The following ANO5 variants were observed in gnomAD, a reference collection of about 807,000 sequenced individuals.
The protein encoded by ANO5 is anoctamin-5.
A neutral mutation model predicts 121.0 loss-of-function variants in ANO5; 109 were observed. The ratio of observed to expected loss-of-function variants is 0.90; its 90% confidence interval spans 0.77 to 1.06. The LOEUF is 1.06. Among genes scored for constraint, ANO5 ranks in the 50% least tolerant of loss-of-function variants. The probability of loss-of-function intolerance (pLI) is 0.00; values close to 1 mark genes in which losing one functional copy is unlikely to be tolerated. For synonymous variants in ANO5, 406 were observed against 359.9 expected, an observed-to-expected ratio of 1.13 and a Z score of -1.45; for missense variants, 1,064 against 1,078.5, an observed-to-expected ratio of 0.99 and a Z score of 0.19.
intron 21 of ANO5, among the ~76,000 whole-genome samples, chr11:22,276,585 C>A (rs553490336): frequency 6.6e-6 from 1 of 151,802 alleles, no homozygotes; most frequent in African/African-American, 2.4e-5. Flanking sequence ...ATCTGAGATT[C>A]AGCAAAAATA....
chr11:22,231,664 G>A (rs1161595015), intron 7 of ANO5, among the ~76,000 whole-genome samples: 1 of 151,824 alleles, frequency 6.6e-6, no homozygotes, highest in Non-Finnish European at 1.5e-5. Context: ...TTGCAAGCTG[G>A]TATTTATACA....
At chr11:22,277,816 C>A (rs887999173) in intron 21 of ANO5, 2 of 151,400 alleles carry the variant, frequency 1.3e-5, no homozygotes, top group Non-Finnish European at 3.0e-5. Context: ...TGGGACTTCT[C>A]TTCATCTTGT....
At chr11:22,235,104 A>T (rs576619203) in intron 7 of ANO5, among the ~76,000 whole-genome samples, 1 of 152,110 alleles carries the variant, frequency 6.6e-6, no homozygotes, top group South Asian at 2.1e-4. Context: ...GTCCCTCTCC[A>T]TCTTTTGCAA....
At chr11:22,250,677 G>A in intron 10 of ANO5, 64 bp from the exon 11 acceptor site, 1 of 1,490,636 alleles carries the variant, frequency 6.7e-7, no homozygotes, top group Non-Finnish European at 9.4e-7. Flanking sequence ...GTTCTAATAA[G>A]AACAGCTTGG....
chr11:22,198,539 A>G (rs1851875357), intron 1 of ANO5, among the ~76,000 whole-genome samples: 1 of 152,192 alleles, frequency 6.6e-6, no homozygotes, highest in Admixed American at 6.5e-5. Flanking sequence ...CAGCTTGAAA[A>G]TATTTTTTCA....
chr11:22,258,905 A>G (rs1341142660), intron 14 of ANO5, among the ~76,000 whole-genome samples: 1 of 152,034 alleles, frequency 6.6e-6, no homozygotes, highest in African/African-American at 2.4e-5. Context: ...AGGCCAAGGT[A>G]GGCAGATCAC....
At chr11:22,233,454 A>AT (rs146901843) in intron 7 of ANO5, among the ~76,000 whole-genome samples, 8,288 of 152,016 alleles carry the variant, frequency 0.055, 767 homozygotes, top group African/African-American at 0.19. Flanking sequence ...GGTTCCAGAC[A>AT]TTTTTTGTAA....
rs965338280 is a variant in ANO5 at position 22,272,175 on chromosome 11, G to A, written c.2030-609G>A. ...TGTGGAGATAAGCCAGCTTACACAGGTGTGGTCCTCTGTTGAGTCTTAATG... is the reference window on the plus strand; with the variant it reads ...TGTGGAGATAAGCCAGCTTACACAGATGTGGTCCTCTGTTGAGTCTTAATG... On this transcript the variant is annotated intron_variant, in intron 18 of 21. Transcript: ENST00000324559. Among the ~76,000 whole-genome samples the A allele has an allele frequency of 5.9e-5, 9 of 152,184 alleles. No individual in the cohort carries two copies. The South Asian group carries it at 1.0e-3, about 18-fold the overall frequency.
At position 22,279,921 on chromosome 11, in the gene ANO5, G is replaced by T; in HGVS notation, c.*156G>T. On this transcript the variant is annotated 3_prime_UTR_variant, in exon 22 of 22. Coordinates refer to ENST00000324559, the MANE Select transcript of ANO5 (RefSeq NM_213599.3). The stretch of plus-strand genomic sequence containing the variant: ...CAAAGTTTTTATACACTTTTATAGA[G>T]GCCAACTTTGTGATGTTGGAAATGT... 3.1e-6 allele frequency: 2 copies of T among 651,568 alleles called. No individual in the cohort carries two copies. The highest frequency in any genetic ancestry group is 2.0e-5 in the South Asian group (1 of 49,810). The allele number at this position is 651,568 out of a possible 1,614,324, so 40.4% of individuals were successfully genotyped here.
rs1301531627 is a variant in ANO5, at chr11:22,274,598, C to G, written c.2265C>G (p.Ile755Met). The stretch of plus-strand genomic sequence containing the variant: ...TTATTGTTGCATTTACGTCAGACAT[C>G]ATTCCCCGTCTAGTTTACTACTATG... ...NAFIVAFTSD[I>M]IPRLVYYYAY... Residue 755 changes from isoleucine (I) to methionine (M), a missense_variant, in exon 20 of 22, where the codon ATC becomes ATG. By Grantham distance (10) the Ile-to-Met change is conservative. Transcript: ENST00000324559. 2 of 1,604,962 alleles carry G rather than the reference C, an allele frequency of 1.2e-6. No homozygotes were observed. The highest frequency in any genetic ancestry group is 2.7e-5 in the African/African-American group (2 of 74,616).
intron 19 of ANO5, 54 bp from the exon 20 acceptor site, chr11:22,274,515 A>C: frequency 6.7e-7 from 1 of 1,487,510 alleles, no homozygotes; most frequent in Middle Eastern, 1.8e-4. Context: ...ATCAGACATT[A>C]TTAAAACTAA....
intron 17 of ANO5, among the ~76,000 whole-genome samples, chr11:22,264,651 C>G (rs915596061): frequency 9.9e-5 from 15 of 151,980 alleles, no homozygotes; most frequent in African/African-American, 3.6e-4. Context: ...TCTGGAAAAG[C>G]CCTTAAAAAA....
At chr11:22,251,911 T>G (rs1433155255) in intron 12 of ANO5, among the ~76,000 whole-genome samples, 1 of 151,512 alleles carries the variant, frequency 6.6e-6, no homozygotes, top group African/African-American at 2.4e-5. Context: ...GTGCCTGTAG[T>G]TCCAGCTACT....
At position 22,239,650 on chromosome 11, in the gene ANO5, T is replaced by C; in HGVS notation, c.844T>C (p.Tyr282His). Residue 282 changes from tyrosine (Y) to histidine (H), a missense_variant, in exon 9 of 22, where the codon TAT becomes CAT. Coordinates refer to ENST00000324559, the MANE Select transcript of ANO5 (RefSeq NM_213599.3). ...TLHQNWARFS[Y>H]FYKEQPLDLI... ...TCACCAGAATTGGGCTCGATTTTCCTATTTCTACAAGGAGCAGCCTTTAGA... is the reference window on the plus strand; with the variant it reads ...TCACCAGAATTGGGCTCGATTTTCCCATTTCTACAAGGAGCAGCCTTTAGA... 1 of 1,612,300 alleles carries C rather than the reference T, an allele frequency of 6.2e-7. No homozygotes were observed. Among genetic ancestry groups the C allele is most frequent in the Non-Finnish European group, 8.5e-7 (1 of 1,178,540 alleles).
intron 1 of ANO5, among the ~76,000 whole-genome samples, chr11:22,196,635 C>G (rs368260476): frequency 1.4e-4 from 22 of 152,072 alleles, no homozygotes; most frequent in East Asian, 1.2e-3. Context: ...CTCTGGGAGG[C>G]CGAGGCAGGT....
Position 22,218,179 on chromosome 11 carries a change from C to CT in ANO5, c.139-59dup, listed in dbSNP as rs201017554. On this transcript the variant is annotated intron_variant, in intron 3 of 21. Transcript: ENST00000324559. ...ATACCAAGGGTTAGTTTGTCTTTGT[C>CT]TTTTTTTTGGAATCTTTACTGTAAT... 9.4e-4 allele frequency: 1,456 copies of CT among 1,553,720 alleles called. 6 individuals are homozygous for CT. The highest frequency in any genetic ancestry group is 6.8e-3 in the African/African-American group (498 of 72,942).
intron 7 of ANO5, among the ~76,000 whole-genome samples, chr11:22,228,522 G>T (rs1852923313): frequency 6.6e-6 from 1 of 151,688 alleles, no homozygotes; most frequent in African/African-American, 2.4e-5. Flanking sequence ...CTCTCTTCTA[G>T]CTATTTTGAT....
intron 20 of ANO5, 91 bp from the exon 21 acceptor site, chr11:22,276,003 G>A (rs1854825952): frequency 2.3e-6 from 2 of 872,680 alleles, no homozygotes; most frequent in Admixed American, 2.0e-5. Context: ...AGAAAGGTCT[G>A]TTAAGAGAAA....
chr11:22,269,425 G>A (rs55796302), intron 17 of ANO5, among the ~76,000 whole-genome samples: 2 of 145,712 alleles, frequency 1.4e-5, no homozygotes, highest in African/African-American at 2.6e-5. Flanking sequence ...AAGGAAAAGA[G>A]AAGGGAAGGG....
Sources: allele counts gnomAD v4.1 joint callset (sites outside exome capture counted in the v4.1 genomes callset), GRCh38; gene constraint gnomAD v4.1.1; transcripts MANE v1.5; gene names NCBI Gene and HGNC (gene_info 2026-07-23, HGNC 2026-07-21).